The following TP53BP2 variants were observed in gnomAD, a reference collection of about 807,000 sequenced individuals.
TP53BP2 encodes apoptosis-stimulating of p53 protein 2.
A neutral mutation model predicts 126.2 loss-of-function variants in TP53BP2; 62 were observed. That is an observed-to-expected ratio of 0.49 (90% CI 0.40 to 0.61). The LOEUF is 0.61. Among genes scored for constraint, TP53BP2 ranks in the 20% least tolerant of loss-of-function variants. The pLI, the probability that TP53BP2 is intolerant of heterozygous loss-of-function variation, is 0.00. For synonymous variants in TP53BP2, 485 were observed against 502.9 expected (o/e 0.96, Z 0.48); for missense variants, 1,215 against 1,402.8 (o/e 0.87, Z 2.14).
In TP53BP2 at chr1:223,802,191, T is replaced by A. The variant is rs1662547834; in HGVS notation, c.1150A>T (p.Ile384Phe). 1 of 1,614,196 alleles carries A rather than the reference T, an allele frequency of 6.2e-7. No homozygotes were observed. The change falls in exon 9 of 18, where the codon ATT (isoleucine) becomes TTT (phenylalanine). Residue 384 changes from isoleucine (I) to phenylalanine (F), a missense_variant. Transcript: ENST00000343537. ...KPALPDGSLV[I>F]QASEGPMKIQ... The stretch of plus-strand genomic sequence containing the variant: ...TTCATCGGCCCCTCTGAAGCCTGAA[T>A]GACCAAGGAACCATCCGGCAGGGCT...
intron 12 of TP53BP2, 87 bp downstream of exon 12, chr1:223,798,128 G>C (rs183970651): frequency 7.9e-7 from 1 of 1,267,614 alleles, no homozygotes; most frequent in Non-Finnish European, 1.1e-6. Flanking sequence ...TCAAAATAGG[G>C]ATTAGTTATT....
chr1:223,790,985 A>G (rs990592234), intron 15 of TP53BP2, among the ~76,000 whole-genome samples: 2 of 152,250 alleles, frequency 1.3e-5, no homozygotes, highest in Admixed American at 6.5e-5. Flanking sequence ...AAAATTATAT[A>G]CAACATAAAC....
intron 7 of TP53BP2, 60 bp downstream of exon 7, chr1:223,803,211 T>C: frequency 1.3e-6 from 2 of 1,525,798 alleles, no homozygotes; most frequent in Middle Eastern, 2.4e-4. Context: ...GCTACTTATA[T>C]GAGCAACTCT....
intron 1 of TP53BP2, among the ~76,000 whole-genome samples, chr1:223,843,754 A>T (rs1664179737): frequency 6.6e-6 from 1 of 152,250 alleles, no homozygotes. Context: ...TTGGAATAAA[A>T]ATCCAAGCAT....
At position 223,796,006 on chromosome 1, in the gene TP53BP2, C is replaced by T; in HGVS notation, c.2533G>A (p.Asp845Asn). The change falls in exon 13 of 18, where the codon GAC (aspartate) becomes AAC (asparagine). Residue 845 changes from aspartate (D) to asparagine (N), a missense_variant. By Grantham distance (23) the Asp-to-Asn change is conservative (BLOSUM62 1). This residue lies in a region of TP53BP2 where 204 missense variants were observed against 225.7 expected (regional missense o/e 0.90). Transcript: ENST00000343537. The surrounding 1 kb of genome is among the most constrained non-coding windows in gnomAD (Gnocchi z 4.2). Reference sequence around the variant, plus strand: ...TTATTCTGGAGATTTGGGCTGTTGTCTGGGACTCCCTCAGGCTCATAATCA... The same window carrying T: ...TTATTCTGGAGATTTGGGCTGTTGTTTGGGACTCCCTCAGGCTCATAATCA... ...GLDYEPEGVP[D>N]NSPNLQNNPE... 6.2e-7 allele frequency: 1 copy of T among 1,614,010 alleles called. No homozygotes were observed. Among genetic ancestry groups the T allele is most frequent in the Non-Finnish European group, 8.5e-7 (1 of 1,179,954 alleles).
chr1:223,803,196 C>T (rs1662588210), intron 7 of TP53BP2, 75 bp downstream of exon 7: 3 of 1,488,736 alleles, frequency 2.0e-6, no homozygotes, highest in Non-Finnish European at 2.7e-6. Context: ...AATCTAGCAC[C>T]TCTTGCTACT....
chr1:223,844,150 T>G (rs73114480), intron 1 of TP53BP2, among the ~76,000 whole-genome samples: 2,843 of 152,192 alleles, frequency 0.019, 83 homozygotes, highest in African/African-American at 0.065. Flanking sequence ...TCAAAGCTGG[T>G]GTAAGTGCCA....
chr1:223,831,052 C>T (rs1431406852), intron 1 of TP53BP2, among the ~76,000 whole-genome samples: 1 of 151,718 alleles, frequency 6.6e-6, no homozygotes, highest in Non-Finnish European at 1.5e-5. Context: ...GAGCCGAGAT[C>T]GCGCCACTGC....
intron 3 of TP53BP2, among the ~76,000 whole-genome samples, chr1:223,811,866 C>T (rs930077824): frequency 1.3e-5 from 2 of 152,140 alleles, no homozygotes; most frequent in African/African-American, 4.8e-5. Flanking sequence ...GCTCCTTTAT[C>T]TTCAGATTAT....
intron 3 of TP53BP2, among the ~76,000 whole-genome samples, chr1:223,812,682 C>G (rs964012438): frequency 6.6e-6 from 1 of 152,190 alleles, no homozygotes; most frequent in Non-Finnish European, 1.5e-5. Flanking sequence ...GCCTCAGCCT[C>G]CCGAGTAGCT....
At chr1:223,834,383 A>T (rs1478391625) in intron 1 of TP53BP2, among the ~76,000 whole-genome samples, 1 of 152,200 alleles carries the variant, frequency 6.6e-6, no homozygotes, top group Non-Finnish European at 1.5e-5. Flanking sequence ...GAGGGTTTTG[A>T]GCAGGGAAGT....
At chr1:223,794,086 C>T (rs1436456712) in intron 13 of TP53BP2, among the ~76,000 whole-genome samples, 21 of 151,728 alleles carry the variant, frequency 1.4e-4, no homozygotes, top group Admixed American at 1.3e-3. Context: ...GTAAATAATA[C>T]AGATTATTAG....
chr1:223,811,501 C>G (rs1662905738), intron 3 of TP53BP2, among the ~76,000 whole-genome samples: 2 of 152,096 alleles, frequency 1.3e-5, no homozygotes, highest in African/African-American at 4.8e-5. Flanking sequence ...GGCAAAATAG[C>G]TCAGGTAATC....
At chr1:223,835,915 GA>G (rs964992460) in intron 1 of TP53BP2, among the ~76,000 whole-genome samples, 3 of 150,830 alleles carry the variant, frequency 2.0e-5, no homozygotes, top group Non-Finnish European at 3.0e-5. Flanking sequence ...AGTGAGAACA[GA>G]AAAAAAAATC....
At chr1:223,829,415 G>A (rs929532380) in intron 1 of TP53BP2, among the ~76,000 whole-genome samples, 2 of 152,176 alleles carry the variant, frequency 1.3e-5, no homozygotes, top group Non-Finnish European at 2.9e-5. Context: ...TGAGGTAGAC[G>A]AGGTTTCAAC....
rs143178271 is a variant in TP53BP2 at position 223,796,458 on chromosome 1, T to C, written c.2081A>G (p.His694Arg). The change falls in exon 13 of 18, where the codon CAT becomes CGT. Residue 694 changes from histidine to arginine, a missense_variant. Physicochemically the swap from His to Arg is conservative, Grantham distance 29. Coordinates refer to ENST00000343537, the MANE Select transcript of TP53BP2 (RefSeq NM_001031685.3). This position sits in a 1 kb window ranked among gnomAD's most constrained non-coding sequence, Gnocchi z 4.2. Reference sequence around the variant, plus strand: ...TGGCCGAGGAATTCTTTCGTTTTCATGGTTCTCCTGAACTGAAGAAACAGG... The same window carrying C: ...TGGCCGAGGAATTCTTTCGTTTTCACGGTTCTCCTGAACTGAAGAAACAGG... Reference protein sequence around the residue: ...TEPVSSVQENHENERIPRPLS... With the variant: ...TEPVSSVQENRENERIPRPLS... 2 of 1,614,222 alleles carry C rather than the reference T, an allele frequency of 1.2e-6. No individual in the cohort carries two copies. Among genetic ancestry groups the C allele is most frequent in the Non-Finnish European group, 1.7e-6 (2 of 1,180,034 alleles).
intron 11 of TP53BP2, among the ~76,000 whole-genome samples, chr1:223,799,643 T>C (rs771974078): frequency 6.6e-6 from 1 of 152,224 alleles, no homozygotes; most frequent in Non-Finnish European, 1.5e-5. Context: ...TACAGTGTTC[T>C]TCGATGCACT....
chr1:223,803,142 G>C (rs1229097430), intron 7 of TP53BP2, 129 bp downstream of exon 7: 2 of 1,169,684 alleles, frequency 1.7e-6, no homozygotes, highest in Non-Finnish European at 2.4e-6. Context: ...CTGGAGTTTG[G>C]GTTCCCCCCA....
intron 3 of TP53BP2, among the ~76,000 whole-genome samples, chr1:223,812,388 A>AC (rs1662940717): frequency 6.6e-6 from 1 of 150,596 alleles, no homozygotes. Context: ...ATAAAACTGA[A>AC]CTTTTTTTTT....
Sources: allele counts gnomAD v4.1 joint callset (sites outside exome capture counted in the v4.1 genomes callset), GRCh38; gene constraint gnomAD v4.1.1; regional missense constraint gnomAD v4.1.1; non-coding constraint Gnocchi (gnomAD v3.1); transcripts MANE v1.5; gene names NCBI Gene and HGNC (gene_info 2026-07-23, HGNC 2026-07-21).